The following ERBB4 variants were observed in gnomAD, a reference collection of about 807,000 sequenced individuals.
ERBB4 encodes receptor tyrosine-protein kinase erbB-4.
A neutral mutation model predicts 158.0 loss-of-function variants in ERBB4; 42 were observed. The ratio of observed to expected loss-of-function variants is 0.27; its 90% CI spans 0.21 to 0.34. ERBB4 has a LOEUF of 0.34. Ranked by LOEUF, ERBB4 falls within the 10% of genes least tolerant of loss-of-function variation. The probability of loss-of-function intolerance (pLI) is 1.00; values close to 1 mark genes in which losing one functional copy is unlikely to be tolerated. For synonymous variants in ERBB4, 583 were observed against 558.7 expected, an observed-to-expected ratio of 1.04 and a Z score of -0.61; for missense variants, 1,333 against 1,624.1, an observed-to-expected ratio of 0.82 and a Z score of 3.08.
intron 1 of ERBB4, among the ~76,000 whole-genome samples, chr2:212,509,943 C>T (rs1038592424): frequency 6.6e-6 from 1 of 151,598 alleles, no homozygotes; most frequent in Non-Finnish European, 1.5e-5. Flanking sequence ...TAACAGTTAA[C>T]CATGAAATAT....
chr2:211,636,531 G>A (rs1031115536), intron 16 of ERBB4, among the ~76,000 whole-genome samples: 9 of 151,946 alleles, frequency 5.9e-5, no homozygotes, highest in African/African-American at 2.2e-4. Flanking sequence ...ACACCTTGAA[G>A]TTTAGGAATT....
At chr2:212,069,443 C>T (rs1434640702) in intron 2 of ERBB4, among the ~76,000 whole-genome samples, 1 of 152,006 alleles carries the variant, frequency 6.6e-6, no homozygotes, top group East Asian at 1.9e-4. Flanking sequence ...TATAAAAAAC[C>T]CACAGCTAAC....
chr2:211,431,630 C>G (rs1425931078), intron 20 of ERBB4, among the ~76,000 whole-genome samples: 1 of 151,038 alleles, frequency 6.6e-6, no homozygotes, highest in Non-Finnish European at 1.5e-5. Context: ...TTATACTATT[C>G]TTATTAATCA....
intron 19 of ERBB4, among the ~76,000 whole-genome samples, chr2:211,579,564 A>G (rs74441503): frequency 2.6e-5 from 4 of 152,200 alleles, no homozygotes; most frequent in Non-Finnish European, 4.4e-5. Context: ...CCTATCAATG[A>G]TAGACTGGAT....
chr2:211,397,187 A>G (rs973820194), intron 25 of ERBB4, among the ~76,000 whole-genome samples: 3 of 152,238 alleles, frequency 2.0e-5, no homozygotes, highest in African/African-American at 7.2e-5. Flanking sequence ...AGCTTTTGCC[A>G]TTATTGAAAA....
rs1003492150 is a variant in ERBB4, at chr2:211,381,058, C to T, written c.*2557G>A. ...TTTTTCATAAGTACTGATATGAGAT[C>T]CCTTTTCCTAGAGACTTCTCTGAAT... On this transcript the variant is annotated 3_prime_UTR_variant, in exon 28 of 28. Coordinates refer to ENST00000342788, the MANE Select transcript of ERBB4 (RefSeq NM_005235.3). 1 of 232,224 alleles carries T rather than the reference C, an allele frequency of 4.3e-6. No homozygotes were observed. Among genetic ancestry groups the T allele is most frequent in the African/African-American group, 2.2e-5 (1 of 45,260 alleles). 14.4% of individuals were successfully genotyped at this position (232,224 alleles called of 1,614,324 possible). A position where few individuals can be genotyped will look rare whatever the true frequency, so the allele number is the denominator to read the frequency against.
intron 20 of ERBB4, among the ~76,000 whole-genome samples, chr2:211,435,031 C>G (rs1290015391): frequency 6.6e-6 from 1 of 152,176 alleles, no homozygotes; most frequent in African/African-American, 2.4e-5. Flanking sequence ...ACTGGAAGCT[C>G]TCATTTGAGT....
At chr2:212,211,199 G>T (rs1231708721) in intron 1 of ERBB4, among the ~76,000 whole-genome samples, 1 of 152,076 alleles carries the variant, frequency 6.6e-6, no homozygotes, top group Non-Finnish European at 1.5e-5. Flanking sequence ...TTGCACTACT[G>T]TAGCTTCCAT....
In ERBB4 at chr2:211,637,123, C is replaced by T. The variant is rs1045179873; in HGVS notation, c.1947-6529G>A. On this transcript the variant is annotated intron_variant, in intron 16 of 27. Coordinates refer to ENST00000342788, the MANE Select transcript of ERBB4 (RefSeq NM_005235.3). ...GTAACATTGGCCATCATCCTATATC[C>T]TATCTTTCTTCTGAAAATCTTACAG... Among the ~76,000 whole-genome samples the T allele has an allele frequency of 2.0e-5, 3 of 151,846 alleles. No individual in the cohort carries two copies. In the South Asian group the frequency reaches 6.2e-4, roughly 31 times the overall value.
At chr2:211,751,324 T>C (rs2106210976) in intron 4 of ERBB4, among the ~76,000 whole-genome samples, 1 of 152,268 alleles carries the variant, frequency 6.6e-6, no homozygotes, top group South Asian at 2.1e-4. Flanking sequence ...TCTTCTACCA[T>C]AGGTATTTGC....
chr2:212,284,816 T>C (rs1050277814), intron 1 of ERBB4, among the ~76,000 whole-genome samples: 1 of 152,144 alleles, frequency 6.6e-6, no homozygotes, highest in Non-Finnish European at 1.5e-5. Context: ...TAAAGGTGTT[T>C]ACAAATAACA....
chr2:211,389,648 A>T (rs2062761011), intron 25 of ERBB4, among the ~76,000 whole-genome samples: 1 of 152,196 alleles, frequency 6.6e-6, no homozygotes, highest in Admixed American at 6.5e-5. Context: ...TTTAATATGC[A>T]ATACATAGGA....
At chr2:212,390,218 C>G (rs1198571232) in intron 1 of ERBB4, among the ~76,000 whole-genome samples, 2 of 151,712 alleles carry the variant, frequency 1.3e-5, no homozygotes, top group East Asian at 3.9e-4. Flanking sequence ...AAGAAATTTT[C>G]ACTGTTAATT....
chr2:211,665,708 A>G (rs2071606243), intron 14 of ERBB4, among the ~76,000 whole-genome samples: 1 of 152,154 alleles, frequency 6.6e-6, no homozygotes, highest in Non-Finnish European at 1.5e-5. Flanking sequence ...AAACACTATA[A>G]TAATGTATTT....
At chr2:212,412,394 C>A (rs935640903) in intron 1 of ERBB4, among the ~76,000 whole-genome samples, 2 of 152,104 alleles carry the variant, frequency 1.3e-5, no homozygotes, top group Non-Finnish European at 2.9e-5. Context: ...TGAGTGAGTT[C>A]TCTCAAGATC....
At chr2:211,404,187 C>T (rs1277774110) in intron 25 of ERBB4, among the ~76,000 whole-genome samples, 1 of 152,076 alleles carries the variant, frequency 6.6e-6, no homozygotes, top group African/African-American at 2.4e-5. Flanking sequence ...CGGAGCTCAA[C>T]TCTTGATTTA....
chr2:211,567,472 C>G (rs555247681), intron 19 of ERBB4, among the ~76,000 whole-genome samples: 1 of 152,160 alleles, frequency 6.6e-6, no homozygotes, highest in Non-Finnish European at 1.5e-5. Context: ...AAATATTTCT[C>G]TCTGATTTAC....
At chr2:211,523,626 T>C (rs1375435082) in intron 20 of ERBB4, among the ~76,000 whole-genome samples, 1 of 151,902 alleles carries the variant, frequency 6.6e-6, no homozygotes, top group African/African-American at 2.4e-5. Context: ...CGTCTGGAGT[T>C]GTTCGTTCCT....
intron 2 of ERBB4, among the ~76,000 whole-genome samples, chr2:212,095,126 G>A (rs2078891452): frequency 6.6e-6 from 1 of 152,074 alleles, no homozygotes; most frequent in African/African-American, 2.4e-5. Context: ...TAGATTGTAA[G>A]AATTAGTCTG....
Sources: allele counts gnomAD v4.1 joint callset (sites outside exome capture counted in the v4.1 genomes callset), GRCh38; gene constraint gnomAD v4.1.1; transcripts MANE v1.5; gene names NCBI Gene and HGNC (gene_info 2026-07-23, HGNC 2026-07-21).